ZNF536: variants seen among roughly 807,000 people sequenced by gnomAD.
ZNF536 encodes zinc finger protein 536.
A neutral mutation model predicts 84.5 loss-of-function variants in ZNF536; 13 were observed. The observed-to-expected ratio is 0.15, with a 90% confidence interval of 0.10 to 0.24. ZNF536 has a LOEUF of 0.24. Among genes scored for constraint, ZNF536 ranks in the 10% least tolerant of loss-of-function variants. The pLI is 1.00. For synonymous variants in ZNF536, 811 were observed against 742.5 expected (o/e 1.09, Z -1.50); for missense variants, 1,536 against 1,747.5 (o/e 0.88, Z 2.16).
At chr19:30,244,880 T>C (rs953960811) in intron 1 of ZNF536, among the ~76,000 whole-genome samples, 1 of 152,182 alleles carries the variant, frequency 6.6e-6, no homozygotes, top group Non-Finnish European at 1.5e-5. Context: ...GAAATGCCAA[T>C]GGAACACATT....
At chr19:30,707,167 C>T (rs145145857) in intron 1 of ZNF536, among the ~76,000 whole-genome samples, 7 of 152,056 alleles carry the variant, frequency 4.6e-5, no homozygotes, top group Non-Finnish European at 8.8e-5. Flanking sequence ...TTGGCCAGGA[C>T]GATCTACTTG....
intron 2 of ZNF536, among the ~76,000 whole-genome samples, chr19:30,489,283 C>CGAAGA (rs2054414825): frequency 6.6e-6 from 1 of 152,164 alleles, no homozygotes; most frequent in African/African-American, 2.4e-5. Flanking sequence ...ATAACAGTTT[C>CGAAGA]AAAACATACT....
At chr19:30,525,428 T>C (rs574652101) in intron 2 of ZNF536, among the ~76,000 whole-genome samples, 2 of 152,238 alleles carry the variant, frequency 1.3e-5, no homozygotes, top group Non-Finnish European at 2.9e-5. Flanking sequence ...CTGATGCTTT[T>C]ATTTGTTGAA....
At chr19:30,398,477 T>C (rs964754079) in intron 1 of ZNF536, among the ~76,000 whole-genome samples, 1 of 152,082 alleles carries the variant, frequency 6.6e-6, no homozygotes, top group East Asian at 1.9e-4. Flanking sequence ...GCCATGGTGG[T>C]TTGCTGCACC....
intron 1 of ZNF536, among the ~76,000 whole-genome samples, chr19:30,375,838 T>A (rs560852707): frequency 2.9e-4 from 44 of 152,300 alleles, no homozygotes; most frequent in Admixed American, 7.2e-4. Context: ...GTGGGTGCTA[T>A]CTGCACTTGT....
chr19:30,312,140 T>A (rs909282959), intron 2 of ZNF536, among the ~76,000 whole-genome samples: 1 of 152,054 alleles, frequency 6.6e-6, no homozygotes, highest in Non-Finnish European at 1.5e-5. Flanking sequence ...CGTGCCACGG[T>A]TTTGGACACC....
At chr19:30,251,542 G>A (rs1283936024) in intron 1 of ZNF536, among the ~76,000 whole-genome samples, 1 of 152,148 alleles carries the variant, frequency 6.6e-6, no homozygotes, top group Non-Finnish European at 1.5e-5. Flanking sequence ...GTGTGGCCTT[G>A]AAATTTAAAA....
intron 1 of ZNF536, among the ~76,000 whole-genome samples, chr19:30,657,449 T>C (rs1568643264): frequency 6.6e-6 from 1 of 152,200 alleles, no homozygotes; most frequent in Non-Finnish European, 1.5e-5. Context: ...ACCTCTCCTG[T>C]GGCAGCTAGG....
In ZNF536 at chr19:30,449,547, G is replaced by A. The variant is rs1232363278; in HGVS notation, c.2170+3815G>A. On this transcript the variant is annotated intron_variant, in intron 2 of 4. Coordinates refer to ENST00000355537, the MANE Select transcript of ZNF536 (RefSeq NM_014717.3). ...ATGATACTGTTCATTATATCCAACA[G>A]GGCAGTTACCTTCTGAATTCCACAT... Among the ~76,000 whole-genome samples, 3 of 152,144 alleles carry A rather than the reference G, an allele frequency of 2.0e-5. No homozygotes were observed. In the East Asian group the frequency reaches 5.8e-4, roughly 29 times the overall value.
chr19:30,471,989 C>T (rs2053655072), intron 2 of ZNF536, among the ~76,000 whole-genome samples: 1 of 152,088 alleles, frequency 6.6e-6, no homozygotes, highest in African/African-American at 2.4e-5. Flanking sequence ...CCGAGGAGCT[C>T]CATTAGAGGG....
At chr19:30,412,246 C>T (rs2050524735) in intron 1 of ZNF536, among the ~76,000 whole-genome samples, 1 of 151,612 alleles carries the variant, frequency 6.6e-6, no homozygotes. Context: ...CCAAAAATTT[C>T]ACATTGTTTG....
At chr19:30,264,232 T>A (rs2025377802) in intron 1 of ZNF536, among the ~76,000 whole-genome samples, 1 of 152,186 alleles carries the variant, frequency 6.6e-6, no homozygotes, top group African/African-American at 2.4e-5. Flanking sequence ...ATAATTCAGA[T>A]GTGCTGATAA....
intron 1 of ZNF536, among the ~76,000 whole-genome samples, chr19:30,418,061 ATATAAG>A (rs1158058990): frequency 6.6e-6 from 1 of 151,846 alleles, no homozygotes; most frequent in Non-Finnish European, 1.5e-5. Context: ...GGTTGTTTTG[ATATAAG>A]TATATTTTCA....
chr19:30,685,314 C>T (rs2051132679), intron 1 of ZNF536, among the ~76,000 whole-genome samples: 1 of 152,178 alleles, frequency 6.6e-6, no homozygotes, highest in Non-Finnish European at 1.5e-5. Context: ...CTCGAGGTAG[C>T]CCCATCTGAG....
At chr19:30,391,925 T>C (rs963696391) in intron 1 of ZNF536, among the ~76,000 whole-genome samples, 1 of 152,194 alleles carries the variant, frequency 6.6e-6, no homozygotes, top group Non-Finnish European at 1.5e-5. Flanking sequence ...ATTTAGCTAA[T>C]GCAGTACGTC....
intron 3 of ZNF536, among the ~76,000 whole-genome samples, chr19:30,535,408 A>C (rs2045029158): frequency 6.6e-6 from 1 of 152,152 alleles, no homozygotes; most frequent in African/African-American, 2.4e-5. Flanking sequence ...GAATGAAGCC[A>C]CTTCCCCAAG....
chr19:30,274,265 C>T (rs184199288), intron 1 of ZNF536, among the ~76,000 whole-genome samples: 13 of 152,306 alleles, frequency 8.5e-5, no homozygotes, highest in East Asian at 7.7e-4. Context: ...ATTTGACTGT[C>T]GAAATGCCAG....
intron 2 of ZNF536, among the ~76,000 whole-genome samples, chr19:30,338,771 A>G (rs900855815): frequency 1.1e-4 from 16 of 152,210 alleles, no homozygotes; most frequent in African/African-American, 3.9e-4. Context: ...CATGATTAAC[A>G]TGCTAACTAG....
chr19:30,559,659 A>G (rs990149151), downstream of ZNF536, among the ~76,000 whole-genome samples: 7 of 152,210 alleles, frequency 4.6e-5, no homozygotes, highest in Middle Eastern at 3.4e-3. Context: ...AGGGGTATAG[A>G]TGGCATGTGG....
Sources: allele counts gnomAD v4.1 joint callset (sites outside exome capture counted in the v4.1 genomes callset), GRCh38; gene constraint gnomAD v4.1.1; transcripts MANE v1.5; gene names NCBI Gene and HGNC (gene_info 2026-07-23, HGNC 2026-07-21).